Variants in HS6ST2 observed in about 807,000 individuals in gnomAD.
HS6ST2 encodes heparan sulfate 6-O-sulfotransferase 2.
HS6ST2 carries 17 observed loss-of-function variants against 33.0 expected under a neutral mutation model. The observed-to-expected ratio is 0.52, with a 90% CI of 0.35 to 0.77. The LOEUF (loss-of-function observed/expected upper bound fraction) is 0.77, where lower values mean the gene tolerates loss of function less well. Among genes scored for constraint, HS6ST2 ranks in the 30% least tolerant of loss-of-function variants. HS6ST2 has a pLI of 0.01. For missense variants in HS6ST2, 519 were observed against 551.7 expected, an observed-to-expected ratio of 0.94 and a Z score of 0.59; for synonymous variants, 248 against 237.1, an observed-to-expected ratio of 1.05 and a Z score of -0.42.
chrX:132,678,257 G>A (rs1312682622), intron 3 of HS6ST2, among the ~76,000 whole-genome samples: 1 of 112,123 alleles, frequency 8.9e-6, no homozygotes, highest in Admixed American at 9.4e-5. Flanking sequence ...TTGAGAGGCT[G>A]AGTTGGGAAA....
chrX:132,942,142 C>G (rs747064813), intron 2 of HS6ST2, among the ~76,000 whole-genome samples: 71 of 111,375 alleles, frequency 6.4e-4, no homozygotes, highest in Non-Finnish European at 1.2e-3. Flanking sequence ...CATACTGTGC[C>G]ACTTTCAGAA....
At chrX:132,769,582 A>G (rs1448262270) in intron 2 of HS6ST2, among the ~76,000 whole-genome samples, 1 of 112,344 alleles carries the variant, frequency 8.9e-6, no homozygotes, top group Non-Finnish European at 1.9e-5. Context: ...ATGCTTGTTT[A>G]ATTTCAGACT....
Position 132,772,157 on chromosome X carries a change from C to G in HS6ST2, c.948-63663G>C. ...ATTACAGATGCATAAAATTCAATTT[C>G]ACTTTTCTCGAGATCTGTGTAAAAG... On this transcript the variant is annotated intron_variant, in intron 2 of 4. Transcript: ENST00000370833. Among the ~76,000 whole-genome samples, 3 of 111,464 alleles carry G rather than the reference C, an allele frequency of 2.7e-5. 1 individual carries two copies. In the South Asian group the frequency reaches 1.1e-3, roughly 42 times the overall value.
intron 2 of HS6ST2, among the ~76,000 whole-genome samples, chrX:132,830,849 A>C (rs932240646): frequency 5.4e-5 from 6 of 111,382 alleles, no homozygotes; most frequent in African/African-American, 1.6e-4. Context: ...CCAAGGCCCA[A>C]GTTTTTACAC....
At chrX:132,851,347 G>A (rs1285808517) in intron 2 of HS6ST2, among the ~76,000 whole-genome samples, 4 of 112,412 alleles carry the variant, frequency 3.6e-5, no homozygotes, top group African/African-American at 1.3e-4. Flanking sequence ...GACACATCTT[G>A]TAATGCCTCC....
intron 2 of HS6ST2, among the ~76,000 whole-genome samples, chrX:132,932,856 A>C (rs1179970959): frequency 9.4e-6 from 1 of 106,201 alleles, no homozygotes; most frequent in Non-Finnish European, 1.9e-5. Context: ...TTCTGTATTT[A>C]GAATAGAATA....
chrX:132,819,486 T>TC (rs1316695434), intron 2 of HS6ST2, among the ~76,000 whole-genome samples: 1 of 111,647 alleles, frequency 9.0e-6, no homozygotes, highest in Non-Finnish European at 1.9e-5. Context: ...CTAGCTAGTG[T>TC]CCAGGCCCCA....
At chrX:132,872,453 TGGA>T (rs899218769) in intron 2 of HS6ST2, among the ~76,000 whole-genome samples, 7 of 111,558 alleles carry the variant, frequency 6.3e-5, no homozygotes, top group Admixed American at 2.9e-4. Context: ...CAAGAGGGAA[TGGA>T]GGAGAAGTGA....
intron 2 of HS6ST2, among the ~76,000 whole-genome samples, chrX:132,777,379 C>T (rs2064971719): frequency 9.3e-6 from 1 of 108,058 alleles, no homozygotes; most frequent in African/African-American, 3.4e-5. Flanking sequence ...TAAAATGATG[C>T]ATTTGGCTTT....
At chrX:132,852,526 A>G (rs924639221) in intron 2 of HS6ST2, among the ~76,000 whole-genome samples, 4 of 112,129 alleles carry the variant, frequency 3.6e-5, no homozygotes, top group Non-Finnish European at 7.5e-5. Flanking sequence ...ACATTGTTGC[A>G]GCAGATGTAG....
chrX:132,805,016 T>A (rs190444764), intron 2 of HS6ST2, among the ~76,000 whole-genome samples: 83 of 111,274 alleles, frequency 7.5e-4, no homozygotes, highest in African/African-American at 2.6e-3. Context: ...AGCTACCAAC[T>A]GCCACTGTCC....
chrX:132,880,452 C>T (rs181431965), intron 2 of HS6ST2, among the ~76,000 whole-genome samples: 1 of 107,215 alleles, frequency 9.3e-6, no homozygotes, highest in East Asian at 3.0e-4. Context: ...AGGAGAATCA[C>T]TTGAACCTGG....
intron 2 of HS6ST2, among the ~76,000 whole-genome samples, chrX:132,882,192 T>C (rs1439441697): frequency 9.0e-6 from 1 of 111,462 alleles, no homozygotes; most frequent in Non-Finnish European, 1.9e-5. Flanking sequence ...GGGGATGGCA[T>C]TGAATCTGTA....
chrX:132,679,293 G>A (rs7883556), intron 3 of HS6ST2, among the ~76,000 whole-genome samples: 79 of 111,885 alleles, frequency 7.1e-4, no homozygotes, highest in African/African-American at 2.2e-3. Context: ...TTCCCTAAGC[G>A]TCAGCCAGTT....
intron 2 of HS6ST2, among the ~76,000 whole-genome samples, chrX:132,936,401 A>G (rs1399431947): frequency 9.0e-6 from 1 of 111,669 alleles, no homozygotes; most frequent in African/African-American, 3.2e-5. Context: ...CCAAAAATTT[A>G]AAAAGAATTA....
At chrX:132,632,469 A>G (rs996575261) in intron 4 of HS6ST2, among the ~76,000 whole-genome samples, 4 of 110,780 alleles carry the variant, frequency 3.6e-5, no homozygotes, top group Non-Finnish European at 5.7e-5. Context: ...TTTTAGGGCA[A>G]TATCAGAGAA....
chrX:132,639,365 A>G (rs1360685583), intron 4 of HS6ST2, among the ~76,000 whole-genome samples: 1 of 112,051 alleles, frequency 8.9e-6, no homozygotes, highest in East Asian at 2.8e-4. Context: ...AAAATTTTGT[A>G]GATTACACTG....
intron 2 of HS6ST2, among the ~76,000 whole-genome samples, chrX:132,799,166 A>C (rs1017198018): frequency 1.8e-5 from 2 of 110,713 alleles, no homozygotes; most frequent in African/African-American, 6.6e-5. Context: ...TGATGGTTAA[A>C]CTTTGGGAAA....
Position 132,629,477 on chromosome X carries a change from A to G in HS6ST2, c.1068-384T>C, listed in dbSNP as rs776841674. Among the ~76,000 whole-genome samples, 3 of 111,139 alleles carry G rather than the reference A, an allele frequency of 2.7e-5. No homozygotes were observed. In the East Asian group the frequency reaches 8.5e-4, roughly 32 times the overall value. On this transcript the variant is annotated intron_variant, in intron 4 of 4. Coordinates refer to ENST00000370833, the MANE Select transcript of HS6ST2 (RefSeq NM_001394073.1). ...GCAACCACTTTATTTCATGCCCCCC[A>G]CTCTAAACCATTTAGTGATCATGAA... is the stretch of plus-strand genomic sequence containing the variant.
Sources: gnomAD v4.1 joint callset for allele counts (sites outside exome capture counted in the v4.1 genomes callset) on GRCh38, gnomAD v4.1.1 for gene constraint, MANE v1.5 for transcripts, NCBI Gene and HGNC (gene_info 2026-07-23, HGNC 2026-07-21) for gene names.